PHIP: variants seen among roughly 807,000 people sequenced by gnomAD.
PHIP encodes the protein PH-interacting protein.
Under a neutral mutation model 236.8 loss-of-function variants are expected in PHIP, and 54 were observed. The ratio of observed to expected loss-of-function variants is 0.23; its 90% CI spans 0.18 to 0.29. PHIP has a LOEUF of 0.29. PHIP is among the 10% of genes least tolerant of loss of function. The probability of loss-of-function intolerance (pLI) is 1.00; values close to 1 mark genes in which losing one functional copy is unlikely to be tolerated. For missense variants in PHIP, 1,370 were observed against 2,190.8 expected, an observed-to-expected ratio of 0.63 and a Z score of 7.48; for synonymous variants, 756 against 718.9, an observed-to-expected ratio of 1.05 and a Z score of -0.83.
intron 4 of PHIP, among the ~76,000 whole-genome samples, chr6:79,070,456 C>T (rs1374162828): frequency 6.6e-6 from 1 of 152,222 alleles, no homozygotes; most frequent in Non-Finnish European, 1.5e-5. Context: ...ACGGATGTTT[C>T]ACTAAGTTGC....
intron 16 of PHIP, 90 bp from the exon 17 acceptor site, chr6:79,002,214 C>T: frequency 2.6e-6 from 2 of 780,594 alleles, no homozygotes; most frequent in East Asian, 5.3e-5. Context: ...AGAAAGCAAA[C>T]ACCTGAATAC....
intron 15 of PHIP, among the ~76,000 whole-genome samples, chr6:79,008,992 GTATTTTTTTC>G (rs1562175311): frequency 6.6e-6 from 1 of 151,952 alleles, no homozygotes; most frequent in African/African-American, 2.4e-5. Flanking sequence ...AGTCATTTAT[GTATTTTTTTC>G]TTTACAAATT....
intron 7 of PHIP, among the ~76,000 whole-genome samples, chr6:79,038,971 G>A (rs896946857): frequency 1.3e-5 from 2 of 152,020 alleles, no homozygotes; most frequent in Non-Finnish European, 1.5e-5. Flanking sequence ...TCAGTCTCTC[G>A]AGTCTTACAA....
chr6:78,953,087 T>A (rs1766162123), intron 35 of PHIP, among the ~76,000 whole-genome samples: 1 of 152,174 alleles, frequency 6.6e-6, no homozygotes, highest in Non-Finnish European at 1.5e-5. Flanking sequence ...GATTAACATT[T>A]TTTCCATAAT....
At chr6:78,984,717 C>T (rs1424502492) in intron 22 of PHIP, among the ~76,000 whole-genome samples, 1 of 152,132 alleles carries the variant, frequency 6.6e-6, no homozygotes, top group East Asian at 1.9e-4. Flanking sequence ...CTTGATTGTA[C>T]AACTGAGGAA....
intron 9 of PHIP, among the ~76,000 whole-genome samples, chr6:79,020,864 A>T (rs1336715732): frequency 6.6e-6 from 1 of 152,128 alleles, no homozygotes; most frequent in Non-Finnish European, 1.5e-5. Flanking sequence ...TCAACTTAAA[A>T]TTTTATAAGT....
chr6:78,998,449 C>A, intron 17 of PHIP, 58 bp from the exon 18 acceptor site: 1 of 1,368,648 alleles, frequency 7.3e-7, no homozygotes, highest in Non-Finnish European at 1.0e-6. Context: ...AACCATTTTA[C>A]TCACCAACCT....
At chr6:79,001,860 A>T in intron 17 of PHIP, 39 bp downstream of exon 17, 1 of 1,345,916 alleles carries the variant, frequency 7.4e-7, no homozygotes, top group Non-Finnish European at 1.1e-6. Flanking sequence ...GTTCGGTGGG[A>T]AGAAGAAAAT....
intron 4 of PHIP, among the ~76,000 whole-genome samples, chr6:79,067,488 T>C (rs146173897): frequency 2.0e-5 from 3 of 152,302 alleles, no homozygotes; most frequent in African/African-American, 7.2e-5. Flanking sequence ...TTATTTAGAG[T>C]GCAAGTCAGC....
intron 15 of PHIP, among the ~76,000 whole-genome samples, chr6:79,009,285 T>C (rs180819992): frequency 6.6e-6 from 1 of 152,132 alleles, no homozygotes; most frequent in Admixed American, 6.5e-5. Flanking sequence ...ATATCTAAAT[T>C]TCTATGAACA....
intron 10 of PHIP, among the ~76,000 whole-genome samples, chr6:79,018,760 G>T (rs1346962848): frequency 2.0e-5 from 3 of 151,804 alleles, no homozygotes; most frequent in South Asian, 4.1e-4. Flanking sequence ...ACATAAACCA[G>T]ATTTAAAATA....
intron 7 of PHIP, among the ~76,000 whole-genome samples, chr6:79,032,354 C>T (rs1015204431): frequency 1.3e-5 from 2 of 152,158 alleles, no homozygotes; most frequent in African/African-American, 2.4e-5. Context: ...GCATGGAATG[C>T]TATCTGACAG....
chr6:79,064,702 C>T (rs1773539354), intron 4 of PHIP, among the ~76,000 whole-genome samples: 2 of 152,120 alleles, frequency 1.3e-5, no homozygotes, highest in African/African-American at 4.8e-5. Flanking sequence ...TAGGCTTATA[C>T]TCCTCTATAT....
intron 23 of PHIP, among the ~76,000 whole-genome samples, chr6:78,981,156 C>T (rs1474525888): frequency 6.6e-6 from 1 of 151,886 alleles, no homozygotes; most frequent in Non-Finnish European, 1.5e-5. Context: ...ATTTCTAGCT[C>T]CATGATTTGA....
At position 79,015,233 on chromosome 6, in the gene PHIP, G is replaced by A; in HGVS notation, c.1390-17C>T. On this transcript the variant is annotated splice_polypyrimidine_tract_variant and intron_variant, in intron 14 of 39. Transcript: ENST00000275034. ...TTCATGACCCTGAAATATTTTTGAA[G>A]TGTCAAAGAATCATAGATATTAAAA... The A allele has an allele frequency of 6.3e-7, 1 of 1,587,942 alleles. No individual in the cohort carries two copies. Among genetic ancestry groups the A allele is most frequent in the Non-Finnish European group, 8.6e-7 (1 of 1,157,520 alleles).
chr6:78,968,815 C>T (rs986550713), intron 27 of PHIP, among the ~76,000 whole-genome samples: 1 of 152,122 alleles, frequency 6.6e-6, no homozygotes, highest in African/African-American at 2.4e-5. Context: ...ACAGCTCAAG[C>T]TGTAAAAAAC....
In PHIP at chr6:78,946,129, C is replaced by T. The variant is rs773306292; in HGVS notation, c.4502G>A (p.Ser1501Asn). ...GTTGCTTCTGGTTCGAACCACAGAA[C>T]TAGATTCTGTTTTACCGTTTATCTG... ...AAQINGKTES[S>N]SVVRTRSNRV... The change falls in exon 38 of 40, where the codon AGT (serine) becomes AAT (asparagine). Residue 1501 changes from serine (S) to asparagine (N), a missense_variant. Physicochemically the swap from Ser to Asn is conservative, Grantham distance 46. Coordinates refer to ENST00000275034, the MANE Select transcript of PHIP (RefSeq NM_017934.7). 1.2e-6 allele frequency: 2 copies of T among 1,613,978 alleles called. No individual in the cohort carries two copies. The highest frequency in any genetic ancestry group is 1.7e-6 in the Non-Finnish European group (2 of 1,179,846).
At chr6:79,005,611 A>G (rs776584752) in intron 15 of PHIP, among the ~76,000 whole-genome samples, 2 of 152,122 alleles carry the variant, frequency 1.3e-5, no homozygotes, top group East Asian at 1.9e-4. Context: ...CACAGAAGCC[A>G]AGAGAGAGAA....
intron 21 of PHIP, among the ~76,000 whole-genome samples, chr6:78,985,825 A>G (rs1399138962): frequency 6.6e-6 from 1 of 152,198 alleles, no homozygotes; most frequent in African/African-American, 2.4e-5. Context: ...GACTGTCTCA[A>G]AAATAATAAT....
Sources: gnomAD v4.1 joint callset for allele counts (sites outside exome capture counted in the v4.1 genomes callset) on GRCh38, gnomAD v4.1.1 for gene constraint, MANE v1.5 for transcripts, NCBI Gene and HGNC (gene_info 2026-07-23, HGNC 2026-07-21) for gene names.